TSHZ2: variants seen among roughly 807,000 people sequenced by gnomAD.
TSHZ2 encodes teashirt zinc finger homeobox 2, also known as teashirt homolog 2.
A neutral mutation model predicts 74.4 loss-of-function variants in TSHZ2; 21 were observed. The observed-to-expected ratio is 0.28, with a 90% CI of 0.20 to 0.41. TSHZ2 has a LOEUF of 0.41. Ranked by LOEUF, TSHZ2 falls within the 10% of genes least tolerant of loss-of-function variation. TSHZ2 has a pLI of 1.00. For synonymous variants in TSHZ2, 540 were observed against 515.3 expected (o/e 1.05, Z -0.65); for missense variants, 1,244 against 1,293.5 (o/e 0.96, Z 0.59).
chr20:53,100,246 G>A (rs925407458), intron 1 of TSHZ2, among the ~76,000 whole-genome samples: 7 of 151,882 alleles, frequency 4.6e-5, no homozygotes, highest in Non-Finnish European at 8.8e-5. Context: ...ATTTGCAAAC[G>A]GCCTCAACCT....
chr20:53,276,111 G>A lies in TSHZ2; in HGVS notation c.*8+19540G>A, dbSNP rs146797096. Among the ~76,000 whole-genome samples the A allele has an allele frequency of 1.9e-3, 290 of 152,274 alleles. 2 individuals are homozygous for A. Among genetic ancestry groups the A allele is most frequent in the African/African-American group, 6.7e-3 (277 of 41,562 alleles). ...ATCCTTGGTTCAAAGGATGTATGCC[G>A]TCAGAACTTTGTCTTTCTCCACCTT... is the stretch of plus-strand genomic sequence containing the variant. On this transcript the variant is annotated intron_variant, in intron 2 of 2. Coordinates refer to ENST00000371497, the MANE Select transcript of TSHZ2 (RefSeq NM_173485.6).
Position 53,254,825 on chromosome 20 carries a change from C to T in TSHZ2, c.1367C>T (p.Ser456Phe), listed in dbSNP as rs1990427861. 6.2e-7 allele frequency: 1 copy of T among 1,613,790 alleles called. No homozygotes were observed. The highest frequency in any genetic ancestry group is 1.1e-5 in the South Asian group (1 of 91,050). Residue 456 changes from serine (S) to phenylalanine (F), a missense_variant, in exon 2 of 3, where the codon TCT (serine) becomes TTT (phenylalanine). This residue lies in a region of TSHZ2 where 562 missense variants were observed against 544.0 expected (regional missense o/e 1.03). Transcript: ENST00000371497. Reference sequence around the variant, plus strand: ...AACTCAGCATCAGATTGTACAGCCTCTACAACTGAGTTAAAGAAAGAGAGT... The same window carrying T: ...AACTCAGCATCAGATTGTACAGCCTTTACAACTGAGTTAAAGAAAGAGAGT... ...SSNSASDCTA[S>F]TTELKKESKK... is the part of the protein sequence containing the mutation.
intron 2 of TSHZ2, among the ~76,000 whole-genome samples, chr20:53,445,079 A>G (rs1383837588): frequency 6.6e-6 from 1 of 152,206 alleles, no homozygotes; most frequent in Non-Finnish European, 1.5e-5. Flanking sequence ...GGCATTTCAC[A>G]TTATTAAAAA....
chr20:53,008,166 G>C (rs554132080), intron 1 of TSHZ2, among the ~76,000 whole-genome samples: 2 of 152,284 alleles, frequency 1.3e-5, no homozygotes, highest in South Asian at 2.1e-4. Flanking sequence ...TTAATGATAT[G>C]AACAGTGTGT....
intron 1 of TSHZ2, among the ~76,000 whole-genome samples, chr20:53,065,139 AAC>A (rs1984940151): frequency 6.6e-6 from 1 of 152,226 alleles, no homozygotes; most frequent in Non-Finnish European, 1.5e-5. Flanking sequence ...AGGATGATGC[AAC>A]ACACAATACC....
At chr20:53,336,325 G>C (rs1264358354) in intron 2 of TSHZ2, among the ~76,000 whole-genome samples, 1 of 152,162 alleles carries the variant, frequency 6.6e-6, no homozygotes, top group East Asian at 1.9e-4. Flanking sequence ...AATCACACAT[G>C]CAAATCGGAC....
intron 1 of TSHZ2, among the ~76,000 whole-genome samples, chr20:53,072,782 A>G (rs1366722891): frequency 6.6e-6 from 1 of 152,144 alleles, no homozygotes; most frequent in Non-Finnish European, 1.5e-5. Context: ...ACATTTCCTT[A>G]CTGTTTACTG....
At chr20:53,383,617 T>A (rs914104381) in intron 2 of TSHZ2, among the ~76,000 whole-genome samples, 1 of 151,738 alleles carries the variant, frequency 6.6e-6, no homozygotes, top group Admixed American at 6.6e-5. Flanking sequence ...TAAAATTAGC[T>A]GGGCATGTTG....
chr20:53,219,985 CAG>C (rs1989518023), intron 1 of TSHZ2, among the ~76,000 whole-genome samples: 1 of 152,176 alleles, frequency 6.6e-6, no homozygotes, highest in Non-Finnish European at 1.5e-5. Flanking sequence ...AAAACAGAGA[CAG>C]AGAGCTAGCA....
chr20:53,372,369 C>G (rs952791562), intron 2 of TSHZ2, among the ~76,000 whole-genome samples: 3 of 152,048 alleles, frequency 2.0e-5, no homozygotes, highest in African/African-American at 4.8e-5. Context: ...CCCAGCCACT[C>G]GGGAGGCTGA....
intron 1 of TSHZ2, among the ~76,000 whole-genome samples, chr20:53,011,137 G>A (rs1982836093): frequency 6.6e-6 from 1 of 152,108 alleles, no homozygotes; most frequent in Admixed American, 6.5e-5. Context: ...ATCCAGCTTG[G>A]CCTGAATTTT....
chr20:53,069,799 C>A (rs1350060124), intron 1 of TSHZ2, among the ~76,000 whole-genome samples: 2 of 151,530 alleles, frequency 1.3e-5, no homozygotes, highest in African/African-American at 4.8e-5. Flanking sequence ...CAGTTGGATG[C>A]TTGAAAAAAA....
chr20:53,041,688 A>C (rs963962355), intron 1 of TSHZ2, among the ~76,000 whole-genome samples: 2 of 152,370 alleles, frequency 1.3e-5, no homozygotes, highest in South Asian at 2.1e-4. Context: ...CAGATGAAGA[A>C]GGTGAGGCCC....
At chr20:53,361,984 A>T (rs1203050737) in intron 2 of TSHZ2, among the ~76,000 whole-genome samples, 1 of 150,846 alleles carries the variant, frequency 6.6e-6, no homozygotes, top group Non-Finnish European at 1.5e-5. Flanking sequence ...CGATGGCGCC[A>T]TCTCGGCTCA....
intron 2 of TSHZ2, among the ~76,000 whole-genome samples, chr20:53,441,999 G>A (rs1239781609): frequency 2.0e-5 from 3 of 152,194 alleles, no homozygotes; most frequent in Non-Finnish European, 4.4e-5. Flanking sequence ...GGATCAGCAG[G>A]TGCAAAGCTC....
intron 2 of TSHZ2, among the ~76,000 whole-genome samples, chr20:53,391,780 T>C (rs1462434241): frequency 6.6e-6 from 1 of 152,092 alleles, no homozygotes. Context: ...CTGTCTCTAC[T>C]AAAAATACAA....
chr20:53,299,197 T>C (rs115186433), intron 2 of TSHZ2, among the ~76,000 whole-genome samples: 1 of 152,306 alleles, frequency 6.6e-6, no homozygotes, highest in South Asian at 2.1e-4. Context: ...AGCACTAGAA[T>C]GTTTGAACAC....
intron 2 of TSHZ2, among the ~76,000 whole-genome samples, chr20:53,459,076 G>C (rs1985238886): frequency 6.6e-6 from 1 of 152,100 alleles, no homozygotes. Flanking sequence ...ATGTCTATTA[G>C]GTCCGCTTGG....
intron 1 of TSHZ2, among the ~76,000 whole-genome samples, chr20:53,093,459 T>C (rs971682504): frequency 1.1e-4 from 17 of 152,264 alleles, no homozygotes; most frequent in Non-Finnish European, 7.3e-5. Flanking sequence ...TCATGCTTCC[T>C]TTTCCAACAT....
Sources: allele counts gnomAD v4.1 joint callset (sites outside exome capture counted in the v4.1 genomes callset), GRCh38; gene constraint gnomAD v4.1.1; regional missense constraint gnomAD v4.1.1; transcripts MANE v1.5; gene names NCBI Gene and HGNC (gene_info 2026-07-23, HGNC 2026-07-21).